KCNH8: variants seen among roughly 807,000 people sequenced by gnomAD.
The protein encoded by KCNH8 is potassium voltage-gated channel subfamily H member 8, also known as voltage-gated delayed rectifier potassium channel KCNH8.
In KCNH8, 70 loss-of-function variants were observed where a neutral mutation model predicts 103.6. The observed-to-expected ratio is 0.68, with a 90% CI of 0.56 to 0.82. The LOEUF (loss-of-function observed/expected upper bound fraction) is 0.82. Ranked by LOEUF, KCNH8 falls within the 40% of genes least tolerant of loss-of-function variation. The probability of loss-of-function intolerance (pLI) is 0.00; values close to 1 mark genes in which losing one functional copy is unlikely to be tolerated. For missense variants in KCNH8, 1,217 were observed against 1,329.9 expected, an observed-to-expected ratio of 0.92 and a Z score of 1.32; for synonymous variants, 498 against 489.4, an observed-to-expected ratio of 1.02 and a Z score of -0.23.
At chr3:19,287,841 C>T (rs1276509946) in intron 3 of KCNH8, among the ~76,000 whole-genome samples, 1 of 152,180 alleles carries the variant, frequency 6.6e-6, no homozygotes, top group Non-Finnish European at 1.5e-5. Flanking sequence ...GCCTCGGCCT[C>T]CTGAAGTGTT....
intron 13 of KCNH8, among the ~76,000 whole-genome samples, chr3:19,514,184 T>G (rs1330251209): frequency 5.3e-5 from 8 of 152,054 alleles, no homozygotes. Flanking sequence ...GAAAGGTGGA[T>G]TCAAAGTTTG....
intron 3 of KCNH8, among the ~76,000 whole-genome samples, chr3:19,336,228 T>G (rs1311239425): frequency 1.3e-5 from 2 of 151,824 alleles, no homozygotes; most frequent in African/African-American, 2.4e-5. Flanking sequence ...AGTTTGGATA[T>G]CAAATATGCC....
chr3:19,390,357 C>T (rs753286164), intron 5 of KCNH8, 124 bp from the exon 6 acceptor site: 4 of 697,256 alleles, frequency 5.7e-6, no homozygotes, highest in Non-Finnish European at 9.5e-6. Context: ...TTCTTCCTCC[C>T]TTCCTTCCTG....
chr3:19,253,972 A>G (rs2064313602), intron 2 of KCNH8, 85 bp downstream of exon 2: 3 of 886,236 alleles, frequency 3.4e-6, no homozygotes, highest in African/African-American at 3.3e-5. Flanking sequence ...AACTCCCATT[A>G]AGGCTTAATG....
rs562453806 is a variant in KCNH8 at position 19,269,998 on chromosome 3, T to G, written c.311-11200T>G. On this transcript the variant is annotated intron_variant, in intron 2 of 15. Transcript: ENST00000328405. ...GATTTTTACACTAACAAATAGTGCT[T>G]CTTAAATACTTTGGTAGTATATAGT... is the stretch of plus-strand genomic sequence containing the variant. 3.9e-5 allele frequency among the ~76,000 whole-genome samples: 6 copies of G among 152,276 alleles called. No homozygotes were observed. The East Asian group carries it at 1.2e-3, about 29-fold the overall frequency.
chr3:19,514,336 C>T (rs369020622), intron 13 of KCNH8, among the ~76,000 whole-genome samples: 3 of 151,834 alleles, frequency 2.0e-5, no homozygotes, highest in East Asian at 1.9e-4. Context: ...GATATATTTT[C>T]AAGAATTCAG....
At position 19,245,910 on chromosome 3, in the gene KCNH8, C is replaced by T. The variant is rs139199418; in HGVS notation, c.77-7744C>T. 3.3e-3 allele frequency among the ~76,000 whole-genome samples: 495 copies of T among 152,194 alleles called. 3 individuals are homozygous for T. Among genetic ancestry groups the T allele is most frequent in the Middle Eastern group, 0.01 (3 of 294 alleles). ...AAGGAGATAGTTTGACTTATTTTCC[C>T]ATTTGAATAACTTTTTATTTTTCTC... On this transcript the variant is annotated intron_variant, in intron 1 of 15. Coordinates refer to ENST00000328405, the MANE Select transcript of KCNH8 (RefSeq NM_144633.3).
chr3:19,516,155 C>T (rs959610013), intron 14 of KCNH8, among the ~76,000 whole-genome samples: 1 of 152,032 alleles, frequency 6.6e-6, no homozygotes, highest in Non-Finnish European at 1.5e-5. Flanking sequence ...AATGCAAGGC[C>T]AGCAATCCTC....
At position 19,390,520 on chromosome 3, in the gene KCNH8, C is replaced by G. The variant is rs750946842; in HGVS notation, c.851C>G (p.Ser284Cys). The change falls in exon 6 of 16, where the codon TCT becomes TGT. Residue 284 changes from serine to cysteine, a missense_variant. Physicochemically the swap from Ser to Cys is moderately radical, Grantham distance 112. This residue lies in a region of KCNH8 where 415 missense variants were observed against 577.4 expected (regional missense o/e 0.72). Coordinates refer to ENST00000328405, the MANE Select transcript of KCNH8 (RefSeq NM_144633.3). ...LNFRTTYVSK[S>C]GQVIFEARSI... ...TTCCGAACAACTTATGTCAGCAAGT[C>G]TGGCCAAGTTATCTTTGAAGCAAGA... 6.2e-7 allele frequency: 1 copy of G among 1,612,982 alleles called. No homozygotes were observed. Among genetic ancestry groups the G allele is most frequent in the South Asian group, 1.1e-5 (1 of 91,028 alleles).
intron 3 of KCNH8, among the ~76,000 whole-genome samples, chr3:19,287,519 T>A (rs1393016266): frequency 3.3e-5 from 5 of 152,152 alleles, no homozygotes; most frequent in Admixed American, 6.5e-5. Context: ...GTAAGTAGAT[T>A]TTAAGTTCAA....
intron 5 of KCNH8, among the ~76,000 whole-genome samples, chr3:19,365,019 G>A (rs567176432): frequency 6.6e-6 from 1 of 152,114 alleles, no homozygotes; most frequent in African/African-American, 2.4e-5. Context: ...TAGGCAAGAT[G>A]TAATAGGCTT....
At chr3:19,357,296 T>C (rs2065892539) in intron 5 of KCNH8, among the ~76,000 whole-genome samples, 1 of 150,520 alleles carries the variant, frequency 6.6e-6, no homozygotes, top group South Asian at 2.1e-4. Flanking sequence ...AAGGAGATGG[T>C]GTTTGAAACC....
chr3:19,345,587 C>T (rs915603645), intron 4 of KCNH8, among the ~76,000 whole-genome samples: 1 of 151,942 alleles, frequency 6.6e-6, no homozygotes, highest in Non-Finnish European at 1.5e-5. Context: ...CATGTCTTTC[C>T]CCCTACTTCC....
intron 7 of KCNH8, among the ~76,000 whole-genome samples, chr3:19,416,174 C>T (rs181184820): frequency 4.7e-4 from 71 of 152,172 alleles, no homozygotes; most frequent in African/African-American, 1.7e-3. Flanking sequence ...ATTTGGTTTA[C>T]ATGATACTGA....
chr3:19,353,677 T>A (rs2065837486), intron 5 of KCNH8, among the ~76,000 whole-genome samples: 1 of 152,136 alleles, frequency 6.6e-6, no homozygotes, highest in African/African-American at 2.4e-5. Context: ...TCGACAAAAT[T>A]CAGCAGCCCT....
At chr3:19,227,874 T>C (rs940173067) in intron 1 of KCNH8, among the ~76,000 whole-genome samples, 1 of 152,184 alleles carries the variant, frequency 6.6e-6, no homozygotes, top group Non-Finnish European at 1.5e-5. Flanking sequence ...TGTGAAAAGA[T>C]GTTTCCAGGG....
At chr3:19,207,371 C>A (rs1575437036) in intron 1 of KCNH8, among the ~76,000 whole-genome samples, 1 of 151,880 alleles carries the variant, frequency 6.6e-6, no homozygotes. Flanking sequence ...TGGTGGCTGA[C>A]ACATAGTGTG....
At chr3:19,478,195 C>G (rs2068015955) in intron 11 of KCNH8, among the ~76,000 whole-genome samples, 2 of 151,908 alleles carry the variant, frequency 1.3e-5, no homozygotes, top group Non-Finnish European at 2.9e-5. Flanking sequence ...CCTATGAATT[C>G]TAGATTGATT....
intron 1 of KCNH8, among the ~76,000 whole-genome samples, chr3:19,177,832 A>G (rs950435765): frequency 1.3e-5 from 2 of 152,176 alleles, no homozygotes; most frequent in African/African-American, 2.4e-5. Flanking sequence ...AAAAGACTTC[A>G]TAATTAATAT....
Sources: gnomAD v4.1 joint callset for allele counts (sites outside exome capture counted in the v4.1 genomes callset) on GRCh38, gnomAD v4.1.1 for gene constraint, gnomAD v4.1.1 regional missense constraint, MANE v1.5 for transcripts, NCBI Gene and HGNC (gene_info 2026-07-23, HGNC 2026-07-21) for gene names.